SFXN1: variants seen among roughly 807,000 people sequenced by gnomAD.
The protein encoded by SFXN1 is sideroflexin-1.
Under a neutral mutation model 39.5 loss-of-function variants are expected in SFXN1, and 32 were observed. The ratio of observed to expected loss-of-function variants is 0.81; its 90% CI spans 0.61 to 1.09. SFXN1 has a LOEUF of 1.09. SFXN1 is among the 50% of genes least tolerant of loss of function. SFXN1 has a pLI of 0.00. For synonymous variants in SFXN1, 136 were observed against 146.5 expected, an observed-to-expected ratio of 0.93 and a Z score of 0.52; for missense variants, 402 against 407.1, an observed-to-expected ratio of 0.99 and a Z score of 0.11.
rs1270539988 is a variant in SFXN1 at position 175,509,124 on chromosome 5, A to T, written c.257A>T (p.Lys86Met). 5.6e-6 allele frequency: 9 copies of T among 1,613,848 alleles called. No individual in the cohort carries two copies. The highest frequency in any genetic ancestry group is 7.6e-6 in the Non-Finnish European group (9 of 1,179,946). ...GCTTTTCATCCTGACACTGGTGAGAAGATGATTTTGATAGGAAGAATGTCA... is the reference window on the plus strand; with the variant it reads ...GCTTTTCATCCTGACACTGGTGAGATGATGATTTTGATAGGAAGAATGTCA... ...DSAFHPDTGE[K>M]MILIGRMSAQ... Residue 86 changes from lysine to methionine, a missense_variant, in exon 3 of 11, where the codon AAG becomes ATG. Physicochemically the swap from Lys to Met is moderately conservative, Grantham distance 95. Transcript: ENST00000321442.
chr5:175,529,401 T>C lies in SFXN1; in HGVS notation c.*2667T>C, dbSNP rs931336032. Reference sequence around the variant, plus strand: ...CATGGAGCTGCATCTTTTTAAACGTTGTTTTTTGATGCTTCAGACTCTTAA... The same window carrying C: ...CATGGAGCTGCATCTTTTTAAACGTCGTTTTTTGATGCTTCAGACTCTTAA... On this transcript the variant is annotated 3_prime_UTR_variant, in exon 11 of 11. Transcript: ENST00000321442. 9 of 152,172 alleles carry C rather than the reference T, an allele frequency of 5.9e-5. No homozygotes were observed. Among genetic ancestry groups the C allele is most frequent in the Non-Finnish European group, 1.3e-4 (9 of 68,038 alleles). The allele number at this position is 152,172 out of a possible 1,614,324, so 9.4% of individuals were successfully genotyped here.
At chr5:175,521,813 A>C (rs6892767) in intron 8 of SFXN1, 106 bp from the exon 9 acceptor site, 23,112 of 878,854 alleles carry the variant, frequency 0.026, 905 homozygotes, top group Admixed American at 0.12. Flanking sequence ...ACCATGTTCT[A>C]TCTGAATCTT....
At chr5:175,516,545 G>T in intron 7 of SFXN1, 69 bp from the exon 8 acceptor site, 1 of 1,410,366 alleles carries the variant, frequency 7.1e-7, no homozygotes, top group South Asian at 1.3e-5. Context: ...CTGTCAAATG[G>T]TTGAAAAAAA....
intron 1 of SFXN1, among the ~76,000 whole-genome samples, chr5:175,482,064 C>T (rs535217566): frequency 6.6e-6 from 1 of 152,100 alleles, no homozygotes; most frequent in Non-Finnish European, 1.5e-5. Flanking sequence ...TTTCTCCGAG[C>T]GGCTCTATAA....
At chr5:175,507,120 T>C (rs950314944) in intron 2 of SFXN1, among the ~76,000 whole-genome samples, 1 of 152,112 alleles carries the variant, frequency 6.6e-6, no homozygotes, top group East Asian at 1.9e-4. Context: ...AGGAATGTTT[T>C]GATGCACCTT....
intron 9 of SFXN1, 140 bp from the exon 10 acceptor site, chr5:175,522,235 C>A: frequency 3.5e-6 from 3 of 851,576 alleles, no homozygotes; most frequent in South Asian, 2.2e-5. Context: ...AAAACTTACA[C>A]AAACAGGACT....
chr5:175,513,277 G>A (rs564954672), intron 6 of SFXN1, among the ~76,000 whole-genome samples, 186 bp from the exon 7 acceptor site: 1 of 128,976 alleles, frequency 7.8e-6, no homozygotes, highest in African/African-American at 3.0e-5. Context: ...ACTCCAGCCT[G>A]GGCAACAGAG....
At chr5:175,524,188 C>A (rs1760990705) in intron 10 of SFXN1, 1 of 135,334 alleles carries the variant, frequency 7.4e-6, no homozygotes, top group African/African-American at 2.7e-5. Flanking sequence ...TAAGTTACAT[C>A]TTATAGGCTC....
intron 3 of SFXN1, 126 bp from the exon 4 acceptor site, chr5:175,509,983 T>C: frequency 1.4e-6 from 1 of 695,398 alleles, no homozygotes; most frequent in East Asian, 2.7e-5. Flanking sequence ...CCTAAGCCTG[T>C]GTGGCCTTAT....
intron 1 of SFXN1, among the ~76,000 whole-genome samples, chr5:175,480,379 C>A (rs1015421275): frequency 6.6e-6 from 1 of 151,090 alleles, no homozygotes; most frequent in Non-Finnish European, 1.5e-5. Context: ...CCAGCCTGGG[C>A]GACAGAGCAA....
rs769945554 is a variant in SFXN1 at position 175,513,425 on chromosome 5, G to A, written c.597-38G>A. The A allele has an allele frequency of 2.5e-6, 4 of 1,600,946 alleles. No individual in the cohort carries two copies. In the East Asian group the frequency reaches 6.8e-5, roughly 27 times the overall value. On this transcript the variant is annotated intron_variant, in intron 6 of 10. Transcript: ENST00000321442. ...TACTATTTCAGGACGTTTATTGAAGGCATTGGTGGAGCTCTCTGTATGTGT... is the reference window on the plus strand; with the variant it reads ...TACTATTTCAGGACGTTTATTGAAGACATTGGTGGAGCTCTCTGTATGTGT...
At chr5:175,521,534 C>T (rs1017187486) in intron 8 of SFXN1, among the ~76,000 whole-genome samples, 3 of 152,162 alleles carry the variant, frequency 2.0e-5, no homozygotes, top group East Asian at 1.9e-4. Flanking sequence ...CCTGTGGTTC[C>T]CCACAGTCAG....
At chr5:175,516,555 A>C in intron 7 of SFXN1, 59 bp from the exon 8 acceptor site, 1 of 1,504,852 alleles carries the variant, frequency 6.6e-7, no homozygotes, top group Non-Finnish European at 9.1e-7. Flanking sequence ...GTTGAAAAAA[A>C]AAGTAAGCTG....
At chr5:175,505,399 T>C (rs1428617475) in intron 2 of SFXN1, among the ~76,000 whole-genome samples, 3 of 149,978 alleles carry the variant, frequency 2.0e-5, no homozygotes, top group African/African-American at 7.3e-5. Context: ...AAGCTGAATG[T>C]GGTGGCGGGT....
At chr5:175,516,431 A>G (rs1336842886) in intron 7 of SFXN1, among the ~76,000 whole-genome samples, 183 bp from the exon 8 acceptor site, 2 of 152,230 alleles carry the variant, frequency 1.3e-5, no homozygotes, top group African/African-American at 4.8e-5. Flanking sequence ...TTAGAAAATC[A>G]GAACAGTTTT....
intron 1 of SFXN1, among the ~76,000 whole-genome samples, chr5:175,489,010 G>T (rs1759555806): frequency 6.6e-6 from 1 of 152,154 alleles, no homozygotes; most frequent in African/African-American, 2.4e-5. Flanking sequence ...CACCAATAGG[G>T]CAGGAATTTT....
intron 2 of SFXN1, among the ~76,000 whole-genome samples, chr5:175,504,344 G>A (rs1760206552): frequency 6.6e-6 from 1 of 152,096 alleles, no homozygotes; most frequent in African/African-American, 2.4e-5. Flanking sequence ...GGAGGCCAGG[G>A]CAGGCAAATC....
rs77465057 is a variant in SFXN1, at chr5:175,506,339, G to A, written c.165-2693G>A. ...GGGTTAATCGCAGTGTATAAAATAC[G>A]CGTACAAATTACATAAATAACAATG... On this transcript the variant is annotated intron_variant, in intron 2 of 10. Transcript: ENST00000321442. Among the ~76,000 whole-genome samples, 898 of 152,150 alleles carry A rather than the reference G, an allele frequency of 5.9e-3. 5 individuals are homozygous for A. Among genetic ancestry groups the A allele is most frequent in the African/African-American group, 0.018 (747 of 41,516 alleles).
At chr5:175,486,401 C>T (rs1759451790) in intron 1 of SFXN1, among the ~76,000 whole-genome samples, 3 of 152,142 alleles carry the variant, frequency 2.0e-5, no homozygotes, top group South Asian at 2.1e-4. Flanking sequence ...GCATAATAAG[C>T]GCATTGGATA....
Sources: gnomAD v4.1 joint callset for allele counts (sites outside exome capture counted in the v4.1 genomes callset) on GRCh38, gnomAD v4.1.1 for gene constraint, MANE v1.5 for transcripts, NCBI Gene and HGNC (gene_info 2026-07-23, HGNC 2026-07-21) for gene names.